DSE: variants seen among roughly 807,000 people sequenced by gnomAD.
DSE encodes the protein dermatan-sulfate epimerase.
In DSE, 36 loss-of-function variants were observed where a neutral mutation model predicts 84.4. That is an observed-to-expected ratio of 0.43 (90% confidence interval 0.33 to 0.56). The LOEUF (loss-of-function observed/expected upper bound fraction) is 0.56. DSE is among the 20% of genes least tolerant of loss of function. The pLI, the probability that DSE is intolerant of heterozygous loss-of-function variation, is 0.06. For missense variants in DSE, 862 were observed against 1,169.6 expected (o/e 0.74, Z 3.84); for synonymous variants, 410 against 430.1 (o/e 0.95, Z 0.58).
intron 2 of DSE, among the ~76,000 whole-genome samples, chr6:116,265,784 A>T (rs996387409): frequency 1.3e-5 from 2 of 152,102 alleles, no homozygotes; most frequent in Non-Finnish European, 2.9e-5. Context: ...TTCAGATCTG[A>T]CAGTTCCCCT....
intron 1 of DSE, among the ~76,000 whole-genome samples, chr6:116,393,231 T>C (rs1236923659): frequency 6.6e-6 from 1 of 152,200 alleles, no homozygotes; most frequent in African/African-American, 2.4e-5. Flanking sequence ...TTCTTTTCTT[T>C]GGGGCAAAAC....
At chr6:116,279,629 C>A (rs769591567) in intron 2 of DSE, 1 of 1,604,182 alleles carries the variant, frequency 6.2e-7, no homozygotes. Context: ...GGTACGCCCC[C>A]CTCCTCTGAA....
intron 2 of DSE, among the ~76,000 whole-genome samples, chr6:116,424,651 A>T (rs889302416): frequency 6.6e-6 from 1 of 152,226 alleles, no homozygotes; most frequent in Non-Finnish European, 1.5e-5. Context: ...TGAAGAAAAA[A>T]GTCCTGCCCT....
intron 2 of DSE, among the ~76,000 whole-genome samples, chr6:116,416,970 A>G (rs1424049476): frequency 6.6e-6 from 1 of 152,230 alleles, no homozygotes; most frequent in Non-Finnish European, 1.5e-5. Context: ...TGAACAATAT[A>G]GGCAGACCTG....
rs1415457601 is a variant in DSE at position 116,328,339 on chromosome 6, C to T, written c.-54+69372C>T. 3.3e-5 allele frequency among the ~76,000 whole-genome samples: 5 copies of T among 152,314 alleles called. No homozygotes were observed. In the East Asian group the frequency reaches 7.7e-4, roughly 23 times the overall value. On this transcript the variant is annotated intron_variant, in intron 2 of 3. Coordinates refer to the DSE transcript ENST00000430252. ...AAAACTAATTAACATTTGTTACACTCTTTTGAGATTCACATTATGAGTCAC... is the reference window on the plus strand; with the variant it reads ...AAAACTAATTAACATTTGTTACACTTTTTTGAGATTCACATTATGAGTCAC...
At chr6:116,341,137 TC>T (rs1380049984) in intron 2 of DSE, among the ~76,000 whole-genome samples, 1 of 152,182 alleles carries the variant, frequency 6.6e-6, no homozygotes, top group Non-Finnish European at 1.5e-5. Context: ...CCACATCCTC[TC>T]CAGCATCTGT....
intron 2 of DSE, among the ~76,000 whole-genome samples, chr6:116,401,669 AGATTTGTGGTT>A (rs1191884613): frequency 6.6e-6 from 1 of 152,180 alleles, no homozygotes; most frequent in Non-Finnish European, 1.5e-5. Context: ...ACTTTCATTT[AGATTTGTGGTT>A]GAACACAATT....
At chr6:116,323,996 C>A (rs1776478403) in intron 2 of DSE, among the ~76,000 whole-genome samples, 1 of 152,082 alleles carries the variant, frequency 6.6e-6, no homozygotes, top group African/African-American at 2.4e-5. Context: ...CATAGTCAAA[C>A]CACAACTCAT....
Position 116,405,077 on chromosome 6 carries a change from A to G in DSE, c.416+5411A>G, listed in dbSNP as rs139779776. On this transcript the variant is annotated intron_variant, in intron 2 of 5. Transcript: ENST00000644252. Reference sequence around the variant, plus strand: ...GGTGTCATCCGAGGGTGTATTTGCAAAAATAAAATATAATTATAAAATATA... The same window carrying G: ...GGTGTCATCCGAGGGTGTATTTGCAGAAATAAAATATAATTATAAAATATA... Among the ~76,000 whole-genome samples the G allele has an allele frequency of 2.6e-5, 4 of 152,072 alleles. No homozygotes were observed. The East Asian group carries it at 5.8e-4, about 22-fold the overall frequency.
At position 116,433,500 on chromosome 6, in the gene DSE, A is replaced by C; in HGVS notation, c.1068A>C (p.Gly356=). 1 of 1,570,002 alleles carries C rather than the reference A, an allele frequency of 6.4e-7. No homozygotes were observed. The highest frequency in any genetic ancestry group is 8.7e-7 in the Non-Finnish European group (1 of 1,155,822). The part of the protein sequence containing the change: ...IRRNRVVEGP[G]TPSKGQRWCT... ...GGAACCGTGTGGTGGAAGGTCCAGGAACACCATCCAAAGGGCAGCGCTGGT... is the reference window on the plus strand; with the variant it reads ...GGAACCGTGTGGTGGAAGGTCCAGGCACACCATCCAAAGGGCAGCGCTGGT... Residue 356 remains glycine, a synonymous_variant, in exon 5 of 6, where the codon GGA becomes GGC. Transcript: ENST00000644252.
chr6:116,375,509 C>T, intron 1 of DSE: 1 of 984,738 alleles, frequency 1.0e-6, no homozygotes, highest in African/African-American at 1.7e-5. Flanking sequence ...GCCTCAAAGT[C>T]TTTTTTATGT....
intron 2 of DSE, among the ~76,000 whole-genome samples, chr6:116,338,226 T>TTC (rs1777381777): frequency 7.1e-6 from 1 of 139,994 alleles, no homozygotes; most frequent in East Asian, 2.0e-4. Context: ...TTTCTTTTTT[T>TTC]TTTTTTTTTT....
At chr6:116,305,550 T>C (rs1775294067) in intron 2 of DSE, among the ~76,000 whole-genome samples, 1 of 152,200 alleles carries the variant, frequency 6.6e-6, no homozygotes, top group Non-Finnish European at 1.5e-5. Flanking sequence ...ATTAAGGCAA[T>C]TGACAAAATT....
At chr6:116,265,716 ATCAAGGGGTGC>A (rs1772592864) in intron 2 of DSE, among the ~76,000 whole-genome samples, 2 of 152,100 alleles carry the variant, frequency 1.3e-5, no homozygotes, top group African/African-American at 4.8e-5. Flanking sequence ...AGGCCAGCAA[ATCAAGGGGTGC>A]TCAAGTCAGA....
chr6:116,430,914 C>T, intron 3 of DSE, 40 bp from the exon 4 acceptor site: 4 of 1,601,616 alleles, frequency 2.5e-6, no homozygotes, highest in Admixed American at 3.4e-5. Flanking sequence ...TGCTTTGTCA[C>T]AGGCTTTAGT....
chr6:116,436,001 T>G lies in DSE; in HGVS notation c.1533T>G (p.Ser511=). The change falls in exon 6 of 6, where the codon TCT becomes TCG. Residue 511 remains serine, a synonymous_variant. Coordinates refer to ENST00000644252, the MANE Select transcript of DSE (RefSeq NM_013352.4). ...QVTEDCSSKW[S]KYKHDLAASC... is the part of the protein sequence containing the mutation. ...CAGAAGACTGCTCATCAAAATGGTC[T>G]AAATACAAGCATGACCTGGCAGCTA... The G allele has an allele frequency of 6.2e-7, 1 of 1,614,144 alleles. No individual in the cohort carries two copies. The highest frequency in any genetic ancestry group is 8.5e-7 in the Non-Finnish European group (1 of 1,180,024).
At chr6:116,325,919 G>T (rs187607301) in intron 2 of DSE, among the ~76,000 whole-genome samples, 98 of 152,292 alleles carry the variant, frequency 6.4e-4, no homozygotes, top group Non-Finnish European at 1.2e-3. Flanking sequence ...ATGCACATGA[G>T]AGGATCGTGA....
chr6:116,270,010 C>CT (rs142611775), intron 2 of DSE, among the ~76,000 whole-genome samples: 1,917 of 152,116 alleles, frequency 0.013, 46 homozygotes, highest in African/African-American at 0.044. Flanking sequence ...GTCTTCTGCT[C>CT]TGATAGAGTT....
chr6:116,367,670 T>C (rs1418483714), upstream of DSE, among the ~76,000 whole-genome samples: 3 of 152,162 alleles, frequency 2.0e-5, no homozygotes, highest in East Asian at 1.9e-4. Flanking sequence ...TTCTCTATTA[T>C]GTAAAAATAA....
Sources: allele counts gnomAD v4.1 joint callset (sites outside exome capture counted in the v4.1 genomes callset), GRCh38; gene constraint gnomAD v4.1.1; transcripts MANE v1.5; gene names NCBI Gene and HGNC (gene_info 2026-07-23, HGNC 2026-07-21).